Variants in HLA-DQB2 observed in about 807,000 individuals in gnomAD.
HLA-DQB2 encodes the protein major histocompatibility complex, class II, DQ beta 2.
Under a neutral mutation model 29.2 loss-of-function variants are expected in HLA-DQB2, and 24 were observed. The ratio of observed to expected loss-of-function variants is 0.82; its 90% CI spans 0.60 to 1.16. The LOEUF (loss-of-function observed/expected upper bound fraction) is 1.16, where lower values mean the gene tolerates loss of function less well. Ranked by LOEUF, HLA-DQB2 falls within the 50% of genes most tolerant of loss-of-function variation. The pLI is 0.00. For synonymous variants in HLA-DQB2, 104 were observed against 133.1 expected, an observed-to-expected ratio of 0.78 and a Z score of 1.51; for missense variants, 273 against 343.6, an observed-to-expected ratio of 0.79 and a Z score of 1.62.
chr6:32,761,264 C>A lies in HLA-DQB2; in HGVS notation c.364+396G>T, dbSNP rs546529066. Among the ~76,000 whole-genome samples the A allele has an allele frequency of 2.2e-3, 229 of 102,018 alleles. 2 individuals are homozygous for A. The East Asian group carries it at 0.067, about 30-fold the overall frequency. 66.9% of individuals were successfully genotyped at this position (102,018 alleles called of 152,430 possible). On this transcript the variant is annotated intron_variant, in intron 2 of 5. Transcript: ENST00000437316. ...TGCAAGTGGGCCTTGCTGGGTGGGG[C>A]AGTGCTAGTGGGGCGGACGGGCAGG... is the stretch of plus-strand genomic sequence containing the variant.
At chr6:32,757,946 G>A in intron 3 of HLA-DQB2, 63 bp from the exon 4 acceptor site, 6 of 1,216,948 alleles carry the variant, frequency 4.9e-6, no homozygotes, top group Non-Finnish European at 5.7e-6. Context: ...TGGTACAGGA[G>A]GTGGAGATGT....
chr6:32,757,165 G>A, intron 5 of HLA-DQB2, 116 bp downstream of exon 5: 3 of 1,501,364 alleles, frequency 2.0e-6, no homozygotes, highest in Non-Finnish European at 2.7e-6. Flanking sequence ...GATTACAGAT[G>A]CACACCACCA....
Position 32,756,444 on chromosome 6 carries a change from C to T in HLA-DQB2, c.*9G>A. The T allele has an allele frequency of 6.6e-7, 1 of 1,512,454 alleles. No homozygotes were observed. Among genetic ancestry groups the T allele is most frequent in the Non-Finnish European group, 9.1e-7 (1 of 1,098,352 alleles). 93.7% of individuals were successfully genotyped at this position (1,512,454 alleles called of 1,614,324 possible). A position where few individuals can be genotyped will look rare whatever the true frequency, so the allele number is the denominator to read the frequency against. ...GTGATGACCAATCCCAGACAAAAGTCCTCAGGAGTCAGTGCAGGAGTCCTG... is the reference window on the plus strand; with the variant it reads ...GTGATGACCAATCCCAGACAAAAGTTCTCAGGAGTCAGTGCAGGAGTCCTG... On this transcript the variant is annotated 3_prime_UTR_variant, in exon 6 of 6. Transcript: ENST00000437316.
intron 2 of HLA-DQB2, among the ~76,000 whole-genome samples, chr6:32,761,007 G>A (rs1205712141): frequency 0.055 from 6,624 of 119,652 alleles, no homozygotes; most frequent in South Asian, 0.071. Flanking sequence ...CATACCACAT[G>A]CCGGTCCACG....
Position 32,756,330 on chromosome 6 carries a change from T to G in HLA-DQB2, c.*123A>C. The G allele has an allele frequency of 1.4e-6, 1 of 701,558 alleles. No homozygotes were observed. Among genetic ancestry groups the G allele is most frequent in the Non-Finnish European group, 2.6e-6 (1 of 384,942 alleles). 43.5% of individuals were successfully genotyped at this position (701,558 alleles called of 1,614,324 possible). A position where few individuals can be genotyped will look rare whatever the true frequency, so the allele number is the denominator to read the frequency against. ...TCACAGAAGGTGACCTGTGGCTGCA[T>G]GAGCCACTGTAGGACTCTGACCTCA... On this transcript the variant is annotated 3_prime_UTR_variant, in exon 6 of 6. Transcript: ENST00000437316.
chr6:32,761,915 C>T lies in HLA-DQB2; in HGVS notation c.109G>A (p.Val37Ile), dbSNP rs776465671. 1.2e-5 allele frequency: 19 copies of T among 1,561,178 alleles called. No homozygotes were observed. Among genetic ancestry groups the T allele is most frequent in the Non-Finnish European group, 1.7e-5 (19 of 1,150,140 alleles). Residue 37 changes from valine to isoleucine, a missense_variant, in exon 2 of 6, where the codon GTC becomes ATC. By Grantham distance (29) the Val-to-Ile change is conservative. Coordinates refer to ENST00000437316, the MANE Select transcript of HLA-DQB2 (RefSeq NM_001300790.2). ...EARDFPKDFL[V>I]QFKGMCYFTN... The stretch of plus-strand genomic sequence containing the variant: ...AAGTAGCACATGCCCTTAAACTGGA[C>T]CAAGAAATCCTCTGCGGAGAATCAC...
At chr6:32,760,246 A>G (rs985842000) in intron 2 of HLA-DQB2, among the ~76,000 whole-genome samples, 2 of 152,022 alleles carry the variant, frequency 1.3e-5, no homozygotes, top group Admixed American at 1.3e-4. Flanking sequence ...CCTTGAAAGT[A>G]TCATTTTGTC....
chr6:32,756,111 G>A lies in HLA-DQB2; in HGVS notation c.*342C>T. 1 of 350,918 alleles carries A rather than the reference G, an allele frequency of 2.8e-6. No homozygotes were observed. Among genetic ancestry groups the A allele is most frequent in the Non-Finnish European group, 5.2e-6 (1 of 193,250 alleles). The allele number at this position is 350,918 out of a possible 1,614,324, so 21.7% of individuals were successfully genotyped here. Reference sequence around the variant, plus strand: ...TCCGAATACAGATAACTCAGAATCAGGTTTAATTATGGGAAAAAGCACTAA... The same window carrying A: ...TCCGAATACAGATAACTCAGAATCAAGTTTAATTATGGGAAAAAGCACTAA... On this transcript the variant is annotated 3_prime_UTR_variant, in exon 6 of 6. Coordinates refer to ENST00000437316, the MANE Select transcript of HLA-DQB2 (RefSeq NM_001300790.2).
At chr6:32,760,268 G>T (rs1307864155) in intron 2 of HLA-DQB2, among the ~76,000 whole-genome samples, 4 of 151,494 alleles carry the variant, frequency 2.6e-5, no homozygotes, top group Non-Finnish European at 4.4e-5. Context: ...CATTAACAGT[G>T]AAAACAGGCA....
In HLA-DQB2 at chr6:32,756,370, C is replaced by G. The variant is rs7774929; in HGVS notation, c.*83G>C. 1 of 874,148 alleles carries G rather than the reference C, an allele frequency of 1.1e-6. No individual in the cohort carries two copies. The highest frequency in any genetic ancestry group is 1.9e-6 in the Non-Finnish European group (1 of 523,978). The allele number at this position is 874,148 out of a possible 1,614,324, so 54.1% of individuals were successfully genotyped here. ...CTCTGACCTCAGTGGGACAGGGTGA[C>G]ACAGGCAGCTAGGAATTCTGGGCAG... is the stretch of plus-strand genomic sequence containing the variant. On this transcript the variant is annotated 3_prime_UTR_variant, in exon 6 of 6. Coordinates refer to ENST00000437316, the MANE Select transcript of HLA-DQB2 (RefSeq NM_001300790.2).
In HLA-DQB2 at chr6:32,756,180, C is replaced by G. The variant is rs1764248402; in HGVS notation, c.*273G>C. 1 of 499,184 alleles carries G rather than the reference C, an allele frequency of 2.0e-6. No individual in the cohort carries two copies. Among genetic ancestry groups the G allele is most frequent in the Non-Finnish European group, 3.5e-6 (1 of 282,760 alleles). The allele number at this position is 499,184 out of a possible 1,614,324, so 30.9% of individuals were successfully genotyped here. A position where few individuals can be genotyped will look rare whatever the true frequency, so the allele number is the denominator to read the frequency against. ...GTTTGTCATGCTTCTCTTGACAGGT[C>G]TGTGGGGGGAGAATGGAAACAGAGA... On this transcript the variant is annotated 3_prime_UTR_variant, in exon 6 of 6. Coordinates refer to ENST00000437316, the MANE Select transcript of HLA-DQB2 (RefSeq NM_001300790.2).
At chr6:32,758,818 C>A in intron 3 of HLA-DQB2, 32 bp downstream of exon 3, 1 of 1,595,936 alleles carries the variant, frequency 6.3e-7, no homozygotes, top group Non-Finnish European at 8.6e-7. Flanking sequence ...TCTTGTGGGG[C>A]CCACAGTAAA....
chr6:32,760,517 T>C (rs1764689576), intron 2 of HLA-DQB2, among the ~76,000 whole-genome samples: 1 of 152,166 alleles, frequency 6.6e-6, no homozygotes, highest in Non-Finnish European at 1.5e-5. Flanking sequence ...TTAAATGACA[T>C]AACTTAGATG....
rs796945490 is a variant in HLA-DQB2 at position 32,761,640 on chromosome 6, G to A, written c.364+20C>T. 1.3e-6 allele frequency: 2 copies of A among 1,538,088 alleles called. No homozygotes were observed. The highest frequency in any genetic ancestry group is 2.4e-5 in the South Asian group (2 of 83,340). On this transcript the variant is annotated intron_variant, in intron 2 of 5. Coordinates refer to ENST00000437316, the MANE Select transcript of HLA-DQB2 (RefSeq NM_001300790.2). ...GGCCCCGGCCAAGGGTGAGCCCCGC[G>A]GAAGGACGACGACGCTCACCTTGCC... is the stretch of plus-strand genomic sequence containing the variant.
Position 32,757,784 on chromosome 6 carries a change from C to G in HLA-DQB2, c.746G>C (p.Arg249Thr). Reference sequence around the variant, plus strand: ...CTTGGGTTCCTCACCTTTCTGACCCCTGTGACGGATGATAAGGCCCAGCCC... The same window carrying G: ...CTTGGGTTCCTCACCTTTCTGACCCGTGTGACGGATGATAAGGCCCAGCCC... ...FLGLGLIIRHRGQKGPRGPPP... is the reference protein window; with the variant it reads ...FLGLGLIIRHTGQKGPRGPPP... Residue 249 changes from arginine to threonine, a missense_variant, in exon 4 of 6, where the codon AGG becomes ACG. By Grantham distance (71) the Arg-to-Thr change is moderately conservative. Transcript: ENST00000437316. 1 of 1,612,704 alleles carries G rather than the reference C, an allele frequency of 6.2e-7. No individual in the cohort carries two copies. Among genetic ancestry groups the G allele is most frequent in the Non-Finnish European group, 8.5e-7 (1 of 1,179,498 alleles).
At chr6:32,757,090 GCT>G in intron 5 of HLA-DQB2, 189 bp downstream of exon 5, 1 of 1,415,116 alleles carries the variant, frequency 7.1e-7, no homozygotes. Context: ...CGCCATCTTG[GCT>G]CACTGCAACC....
At chr6:32,758,822 C>G in intron 3 of HLA-DQB2, 28 bp downstream of exon 3, 1 of 1,586,560 alleles carries the variant, frequency 6.3e-7, no homozygotes, top group South Asian at 1.1e-5. Context: ...GTGGGGCCCA[C>G]AGTAAAAGGA....
chr6:32,760,016 A>G (rs1361620893), intron 2 of HLA-DQB2, among the ~76,000 whole-genome samples: 2 of 152,180 alleles, frequency 1.3e-5, no homozygotes, highest in African/African-American at 4.8e-5. Flanking sequence ...GACTTACAAG[A>G]TTTGTTCATC....
chr6:32,758,007 G>T, intron 3 of HLA-DQB2, 124 bp from the exon 4 acceptor site: 2 of 814,660 alleles, frequency 2.5e-6, no homozygotes, highest in South Asian at 1.9e-5. Context: ...AGAAAGACCA[G>T]CCAGTAGGTC....
Sources: gnomAD v4.1 joint callset for allele counts (sites outside exome capture counted in the v4.1 genomes callset) on GRCh38, gnomAD v4.1.1 for gene constraint, MANE v1.5 for transcripts, NCBI Gene and HGNC (gene_info 2026-07-23, HGNC 2026-07-21) for gene names.